The following PTPN14 variants were observed in gnomAD, a reference collection of about 807,000 sequenced individuals.
The protein encoded by PTPN14 is protein tyrosine phosphatase non-receptor type 14.
Under a neutral mutation model 126.8 loss-of-function variants are expected in PTPN14, and 53 were observed. The ratio of observed to expected loss-of-function variants is 0.42; its 90% confidence interval spans 0.34 to 0.53. The LOEUF is 0.53. PTPN14 is among the 20% of genes least tolerant of loss of function. The pLI is 0.08. For missense variants in PTPN14, 1,257 were observed against 1,552.9 expected (o/e 0.81, Z 3.20); for synonymous variants, 630 against 599.3 (o/e 1.05, Z -0.75).
intron 1 of PTPN14, among the ~76,000 whole-genome samples, chr1:214,548,321 T>A (rs1020323206): frequency 6.6e-6 from 1 of 152,164 alleles, no homozygotes; most frequent in African/African-American, 2.4e-5. Flanking sequence ...CTTGGACCAC[T>A]CAATAAGCCC....
chr1:214,466,390 T>C (rs1001809647), intron 1 of PTPN14, among the ~76,000 whole-genome samples: 17 of 152,230 alleles, frequency 1.1e-4, no homozygotes, highest in African/African-American at 3.9e-4. Flanking sequence ...TACCATCATC[T>C]TGTTCCTTTA....
At position 214,372,780 on chromosome 1, in the gene PTPN14, C is replaced by A; in HGVS notation, c.2967G>T (p.Thr989=). ...YIATQGPLPH[T]CHDFWQMVWE... ...ACACCATCTGCCAGAAGTCGTGGCACGTGTGTGGCAGGGGCCCCTGGGTGG... is the reference window on the plus strand; with the variant it reads ...ACACCATCTGCCAGAAGTCGTGGCAAGTGTGTGGCAGGGGCCCCTGGGTGG... The change falls in exon 16 of 19, where the codon ACG becomes ACT. Residue 989 remains threonine, a synonymous_variant. Transcript: ENST00000366956. 6.2e-7 allele frequency: 1 copy of A among 1,614,156 alleles called. No homozygotes were observed. Among genetic ancestry groups the A allele is most frequent in the Non-Finnish European group, 8.5e-7 (1 of 1,180,030 alleles).
At chr1:214,445,449 T>C (rs899958820) in intron 3 of PTPN14, among the ~76,000 whole-genome samples, 10 of 151,806 alleles carry the variant, frequency 6.6e-5, no homozygotes, top group African/African-American at 1.9e-4. Flanking sequence ...CCTGGAAAAG[T>C]AGGAAATGTT....
At chr1:214,516,331 C>T (rs77021653) in intron 1 of PTPN14, among the ~76,000 whole-genome samples, 2,951 of 152,240 alleles carry the variant, frequency 0.019, 111 homozygotes, top group African/African-American at 0.068. Flanking sequence ...GGCCAAGGTA[C>T]CATATATGAA....
chr1:214,471,787 A>C (rs10159086), intron 1 of PTPN14, among the ~76,000 whole-genome samples: 13,778 of 152,240 alleles, frequency 0.091, 638 homozygotes, highest in South Asian at 0.12. Context: ...CATAAAGGAG[A>C]GAATCTTAGA....
rs150397543 is a variant in PTPN14 at position 214,386,636 on chromosome 1, C to G, written c.1066+208G>C. Among the ~76,000 whole-genome samples the G allele has an allele frequency of 5.9e-5, 9 of 152,348 alleles. No homozygotes were observed. In the East Asian group the frequency reaches 1.7e-3, roughly 29 times the overall value. On this transcript the variant is annotated intron_variant, in intron 12 of 18. Coordinates refer to ENST00000366956, the MANE Select transcript of PTPN14 (RefSeq NM_005401.5). Reference sequence around the variant, plus strand: ...TGCTCGCTGCCTTGGCCCCGACTCCCTGAGCAGCCAATACTGGGGAAATTT... The same window carrying G: ...TGCTCGCTGCCTTGGCCCCGACTCCGTGAGCAGCCAATACTGGGGAAATTT...
intron 1 of PTPN14, among the ~76,000 whole-genome samples, chr1:214,471,103 C>T (rs1285567561): frequency 6.8e-6 from 1 of 147,862 alleles, no homozygotes; most frequent in Non-Finnish European, 1.5e-5. Flanking sequence ...AAGACTTAGA[C>T]TTTCACCTTT....
Position 214,403,003 on chromosome 1 carries a change from T to C in PTPN14, c.511-50A>G, listed in dbSNP as rs370865611. ...GTCACATGAGGGTGTGGGCATTTGC[T>C]ATTTTGCTTGCAAATCTTAAAGCTC... On this transcript the variant is annotated intron_variant, in intron 5 of 18. Transcript: ENST00000366956. The C allele has an allele frequency of 4.4e-6, 7 of 1,575,528 alleles. No individual in the cohort carries two copies. The African/African-American group carries it at 9.5e-5, about 21-fold the overall frequency.
intron 3 of PTPN14, among the ~76,000 whole-genome samples, chr1:214,416,956 T>C (rs1380384419): frequency 6.6e-6 from 1 of 152,130 alleles, no homozygotes; most frequent in African/African-American, 2.4e-5. Context: ...AATTCTATTT[T>C]GGAAGCATGC....
intron 1 of PTPN14, among the ~76,000 whole-genome samples, chr1:214,522,542 C>T (rs886136994): frequency 7.9e-5 from 12 of 152,104 alleles, no homozygotes; most frequent in Non-Finnish European, 1.3e-4. Context: ...ATATGCAATA[C>T]CTGTTTTCCA....
chr1:214,444,362 T>C (rs575257604), intron 3 of PTPN14, among the ~76,000 whole-genome samples: 2 of 152,330 alleles, frequency 1.3e-5, no homozygotes, highest in South Asian at 4.1e-4. Context: ...AATTTGCTAT[T>C]CTCAGCAAAT....
At chr1:214,375,868 G>GT (rs1257653569) in intron 15 of PTPN14, among the ~76,000 whole-genome samples, 1 of 152,174 alleles carries the variant, frequency 6.6e-6, no homozygotes, top group Non-Finnish European at 1.5e-5. Context: ...CGCAATACCT[G>GT]TAACTTCCAA....
At chr1:214,503,385 T>G (rs1232126703) in intron 1 of PTPN14, among the ~76,000 whole-genome samples, 2 of 152,244 alleles carry the variant, frequency 1.3e-5, no homozygotes, top group African/African-American at 4.8e-5. Context: ...TCAGAAGGAC[T>G]GAATCTTAGA....
At chr1:214,369,766 A>G in intron 16 of PTPN14, 75 bp from the exon 17 acceptor site, 1 of 1,348,118 alleles carries the variant, frequency 7.4e-7, no homozygotes, top group Non-Finnish European at 1.1e-6. Context: ...AGATATGAAG[A>G]CAGAAGAAAA....
At position 214,492,207 on chromosome 1, in the gene PTPN14, C is replaced by T. The variant is rs146634779; in HGVS notation, c.-154-27250G>A. Among the ~76,000 whole-genome samples, 115 of 151,664 alleles carry T rather than the reference C, an allele frequency of 7.6e-4. 1 individual carries two copies. The East Asian group carries it at 0.016, about 21-fold the overall frequency. ...TTAAAAAAAAAAAGAAAAAGAAAAACTTCGGGAGAATATAATAATGAGTAA... is the reference window on the plus strand; with the variant it reads ...TTAAAAAAAAAAAGAAAAAGAAAAATTTCGGGAGAATATAATAATGAGTAA... On this transcript the variant is annotated intron_variant, in intron 1 of 18. Transcript: ENST00000366956.
chr1:214,494,365 CCT>C (rs1177514775), intron 1 of PTPN14, among the ~76,000 whole-genome samples: 1 of 152,102 alleles, frequency 6.6e-6, no homozygotes, highest in Non-Finnish European at 1.5e-5. Context: ...CCCGGCCCCT[CCT>C]CTCTCTTTCT....
At chr1:214,415,420 C>T (rs1398676823) in intron 3 of PTPN14, among the ~76,000 whole-genome samples, 1 of 152,190 alleles carries the variant, frequency 6.6e-6, no homozygotes, top group Non-Finnish European at 1.5e-5. Flanking sequence ...ATTTAGAAAA[C>T]TTCTCACTCA....
chr1:214,409,499 G>C (rs1659249127), intron 5 of PTPN14, among the ~76,000 whole-genome samples: 1 of 152,036 alleles, frequency 6.6e-6, no homozygotes. Context: ...CCATATCTTG[G>C]CAATTATGAA....
chr1:214,438,179 T>C (rs1659960473), intron 3 of PTPN14, among the ~76,000 whole-genome samples: 2 of 152,326 alleles, frequency 1.3e-5, no homozygotes, highest in South Asian at 4.1e-4. Context: ...AGATTACCAT[T>C]GGGTCAGCCT....
Sources: allele counts gnomAD v4.1 joint callset (sites outside exome capture counted in the v4.1 genomes callset), GRCh38; gene constraint gnomAD v4.1.1; transcripts MANE v1.5; gene names NCBI Gene and HGNC (gene_info 2026-07-23, HGNC 2026-07-21).